The following GCC2 variants were observed in gnomAD, a reference collection of about 807,000 sequenced individuals.
GCC2 encodes GRIP and coiled-coil domain-containing protein 2.
Under a neutral mutation model 210.6 loss-of-function variants are expected in GCC2, and 120 were observed. That is an observed-to-expected ratio of 0.57 (90% CI 0.49 to 0.66). GCC2 has a LOEUF of 0.66. GCC2 is among the 30% of genes least tolerant of loss of function. The probability of loss-of-function intolerance (pLI) is 0.00; values close to 1 mark genes in which losing one functional copy is unlikely to be tolerated. For synonymous variants in GCC2, 703 were observed against 652.7 expected, an observed-to-expected ratio of 1.08 and a Z score of -1.17; for missense variants, 1,868 against 1,871.9, an observed-to-expected ratio of 1.00 and a Z score of 0.04.
intron 17 of GCC2, 30 bp downstream of exon 17, chr2:108,487,850 TC>T (rs1212500029): frequency 6.2e-7 from 1 of 1,600,300 alleles, no homozygotes; most frequent in South Asian, 1.1e-5. Flanking sequence ...TGCAGAGTTT[TC>T]CTCCCACAAT....
intron 3 of GCC2, among the ~76,000 whole-genome samples, chr2:108,451,327 T>C (rs1194159683): frequency 6.6e-6 from 1 of 152,246 alleles, no homozygotes; most frequent in African/African-American, 2.4e-5. Context: ...TTTTGAGTTG[T>C]TAAAGTCAGG....
At chr2:108,468,486 A>AT (rs60920352) in intron 4 of GCC2, among the ~76,000 whole-genome samples, 3,782 of 151,650 alleles carry the variant, frequency 0.025, 155 homozygotes, top group African/African-American at 0.086. Context: ...TGGCTTATTG[A>AT]TTTTTTTTTC....
At chr2:108,477,362 A>G (rs942575560) in intron 9 of GCC2, among the ~76,000 whole-genome samples, 7 of 152,044 alleles carry the variant, frequency 4.6e-5, no homozygotes, top group African/African-American at 1.7e-4. Flanking sequence ...TCTCAAAACA[A>G]CCCCCAAGTA....
chr2:108,483,241 C>T, intron 12 of GCC2, 75 bp downstream of exon 12: 1 of 785,752 alleles, frequency 1.3e-6, no homozygotes, highest in Non-Finnish European at 2.1e-6. Context: ...TTGTTCTGTT[C>T]TCTCTGCAAT....
intron 4 of GCC2, among the ~76,000 whole-genome samples, chr2:108,458,227 G>C (rs1680368416): frequency 6.6e-6 from 1 of 151,978 alleles, no homozygotes; most frequent in South Asian, 2.1e-4. Flanking sequence ...ACATTGATTT[G>C]CATATATTGA....
In GCC2 at chr2:108,489,883, A is replaced by G; in HGVS notation, c.4098A>G (p.Gln1366=). 2 of 1,608,780 alleles carry G rather than the reference A, an allele frequency of 1.2e-6. No homozygotes were observed. The highest frequency in any genetic ancestry group is 1.7e-6 in the Non-Finnish European group (2 of 1,177,646). ...TTGACCAGCTAAAAATCAAATTACA[A>G]GATAGCCAAAATAACTTACAGATTA... ...MLIDQLKIKL[Q]DSQNNLQINV... is the part of the protein sequence containing the mutation. The change falls in exon 18 of 23, where the codon CAA becomes CAG. Residue 1366 remains glutamine (Q), a synonymous_variant. Coordinates refer to ENST00000309863, the MANE Select transcript of GCC2 (RefSeq NM_181453.4).
Position 108,472,890 on chromosome 2 carries a change from GA to G in GCC2, c.2857del (p.Ile953Ter). ...DPLSSVKELE[E>X]KIENLEKECK... is the part of the protein sequence containing the mutation. ...TCTGTCTTCAGTAAAAGAGTTGGAA[GA>G]AAAAATAGGTAACTATGGTTTTGCA... On this transcript the variant is annotated frameshift_variant, in exon 7 of 23. Coordinates refer to ENST00000309863, the MANE Select transcript of GCC2 (RefSeq NM_181453.4). LOFTEE classifies it high-confidence loss of function. 1.3e-6 allele frequency: 2 copies of G among 1,559,622 alleles called. No homozygotes were observed. Among genetic ancestry groups the G allele is most frequent in the Non-Finnish European group, 1.8e-6 (2 of 1,139,366 alleles).
rs73954350 is a variant in GCC2 at position 108,472,256 on chromosome 2, A to G, written c.2787+140A>G. ...CAAGTGGCAACTTTCTGAAAAGTGC[A>G]TTAGACATTTCCATGTTGTATGTCC... On this transcript the variant is annotated intron_variant, in intron 6 of 22. Transcript: ENST00000309863. 9.8e-3 allele frequency: 4,854 copies of G among 496,332 alleles called. 205 individuals carry two copies. The highest frequency in any genetic ancestry group is 0.088 in the African/African-American group (4,416 of 49,966). 30.7% of individuals were successfully genotyped at this position (496,332 alleles called of 1,614,324 possible).
chr2:108,501,098 C>T (rs538005932), intron 22 of GCC2, among the ~76,000 whole-genome samples: 107 of 151,892 alleles, frequency 7.0e-4, no homozygotes, highest in Non-Finnish European at 1.1e-3. Context: ...CAGATTCAAG[C>T]GATTCTCCTG....
chr2:108,500,171 C>T (rs1000351313), intron 22 of GCC2, among the ~76,000 whole-genome samples: 1 of 152,074 alleles, frequency 6.6e-6, no homozygotes, highest in Admixed American at 6.6e-5. Flanking sequence ...TATAGCCCAA[C>T]ACTTGGTCTA....
intron 17 of GCC2, 141 bp downstream of exon 17, chr2:108,487,961 C>T: frequency 1.3e-6 from 1 of 791,348 alleles, no homozygotes. Context: ...GGCTGGAGTG[C>T]AGTGGTGCAA....
intron 22 of GCC2, among the ~76,000 whole-genome samples, chr2:108,507,326 C>G: frequency 6.7e-6 from 1 of 150,128 alleles, no homozygotes. Context: ...CCTGGGAGAT[C>G]AAGGCTGCAT....
At chr2:108,479,602 C>G (rs1478900686) in intron 9 of GCC2, among the ~76,000 whole-genome samples, 1 of 152,076 alleles carries the variant, frequency 6.6e-6, no homozygotes, top group Non-Finnish European at 1.5e-5. Context: ...GGTTGCGCCA[C>G]TGCACTCCAG....
At position 108,484,135 on chromosome 2, in the gene GCC2, TATAAA is replaced by T; in HGVS notation, c.3451-11_3451-7del. The stretch of plus-strand genomic sequence containing the variant: ...TCTACTATTGTGTAAATCTTTTACT[TATAAA>T]ATGTGCAGGATGCCCAACAAACCAC... On this transcript the variant is annotated splice_polypyrimidine_tract_variant and intron_variant, in intron 12 of 22. Coordinates refer to ENST00000309863, the MANE Select transcript of GCC2 (RefSeq NM_181453.4). The T allele has an allele frequency of 6.5e-7, 1 of 1,548,156 alleles. No individual in the cohort carries two copies. Among genetic ancestry groups the T allele is most frequent in the Non-Finnish European group, 8.7e-7 (1 of 1,150,490 alleles).
intron 22 of GCC2, among the ~76,000 whole-genome samples, chr2:108,506,675 A>T (rs906737824): frequency 1.3e-5 from 2 of 152,170 alleles, no homozygotes; most frequent in African/African-American, 4.8e-5. Flanking sequence ...CCATAAATCT[A>T]TTGGTTTTAG....
chr2:108,465,373 T>C (rs2104436159), intron 4 of GCC2, among the ~76,000 whole-genome samples: 1 of 152,310 alleles, frequency 6.6e-6, no homozygotes, highest in African/African-American at 2.4e-5. Context: ...TTTCAATAGC[T>C]TTTGGGGTAC....
intron 9 of GCC2, among the ~76,000 whole-genome samples, chr2:108,478,667 A>G (rs1681669559): frequency 6.6e-6 from 1 of 152,252 alleles, no homozygotes; most frequent in Non-Finnish European, 1.5e-5. Context: ...GATTAAAATC[A>G]GAATTTCCCA....
intron 19 of GCC2, chr2:108,493,351 A>G (rs564959173): frequency 3.4e-6 from 3 of 886,784 alleles, no homozygotes; most frequent in Admixed American, 1.1e-4. Context: ...GCCTCCCAAA[A>G]TGCTGGGATT....
rs185324754 is a variant in GCC2, at chr2:108,495,428, G to T, written c.4585G>T (p.Ala1529Ser). The T allele has an allele frequency of 6.1e-5, 97 of 1,594,008 alleles. No homozygotes were observed. The highest frequency in any genetic ancestry group is 7.6e-6 in the Non-Finnish European group (9 of 1,177,796). ...AACTGATACGGAGTCTGTGTCTTCC[G>T]CCAGCACATACACACAGTCTTTAGA... ...ETTDTESVSS[A>S]STYTQSLEQL... Residue 1529 changes from alanine to serine, a missense_variant, in exon 20 of 23, where the codon GCC becomes TCC. Physicochemically the swap from Ala to Ser is moderately conservative, Grantham distance 99 (BLOSUM62 1). Around this residue, in one of 3 missense-constraint regions of GCC2, gnomAD observed 1,847 missense variants for 1,765.2 expected, o/e 1.05. Coordinates refer to ENST00000309863, the MANE Select transcript of GCC2 (RefSeq NM_181453.4).
Sources: allele counts gnomAD v4.1 joint callset (sites outside exome capture counted in the v4.1 genomes callset), GRCh38; gene constraint gnomAD v4.1.1; regional missense constraint gnomAD v4.1.1; transcripts MANE v1.5; gene names NCBI Gene and HGNC (gene_info 2026-07-23, HGNC 2026-07-21).